The following GLI2 variants were observed in gnomAD, a reference collection of about 807,000 sequenced individuals.
GLI2 encodes GLI family zinc finger 2.
Under a neutral mutation model 78.9 loss-of-function variants are expected in GLI2, and 22 were observed. That is an observed-to-expected ratio of 0.28 (90% CI 0.20 to 0.40). The LOEUF (loss-of-function observed/expected upper bound fraction) is 0.40. Among genes scored for constraint, GLI2 ranks in the 10% least tolerant of loss-of-function variants. GLI2 has a pLI of 1.00. For missense variants in GLI2, 2,097 were observed against 2,213.2 expected (o/e 0.95, Z 1.05); for synonymous variants, 974 against 963.7 (o/e 1.01, Z -0.20).
chr2:120,782,724 G>T (rs991781042), intron 1 of GLI2, among the ~76,000 whole-genome samples: 1 of 152,172 alleles, frequency 6.6e-6, no homozygotes, highest in African/African-American at 2.4e-5. Flanking sequence ...GAACTGTCCT[G>T]GTCACTACAG....
At chr2:120,772,080 G>A (rs1683537020) in intron 1 of GLI2, among the ~76,000 whole-genome samples, 1 of 152,186 alleles carries the variant, frequency 6.6e-6, no homozygotes, top group South Asian at 2.1e-4. Context: ...GGGTGATGGA[G>A]GCTGGGTTTT....
chr2:120,847,199 T>TGCTC (rs1687158711), intron 2 of GLI2, among the ~76,000 whole-genome samples: 1 of 152,162 alleles, frequency 6.6e-6, no homozygotes, highest in African/African-American at 2.4e-5. Context: ...CAGTGCTGAC[T>TGCTC]GCTCCATCAG....
intron 1 of GLI2, among the ~76,000 whole-genome samples, chr2:120,783,934 A>G (rs1404167715): frequency 6.6e-6 from 1 of 152,182 alleles, no homozygotes; most frequent in East Asian, 1.9e-4. Flanking sequence ...TTGTTTAGCC[A>G]ATGAGATCTG....
At chr2:120,947,224 G>A (rs1451581188) in intron 3 of GLI2, among the ~76,000 whole-genome samples, 1 of 152,190 alleles carries the variant, frequency 6.6e-6, no homozygotes, top group Non-Finnish European at 1.5e-5. Flanking sequence ...CAGGGCACAG[G>A]CAGGGGCTCC....
intron 2 of GLI2, among the ~76,000 whole-genome samples, chr2:120,860,943 G>A (rs769726101): frequency 4.6e-5 from 7 of 152,200 alleles, no homozygotes; most frequent in South Asian, 2.1e-4. Context: ...TTAGAGATCC[G>A]TTATGGCCAG....
intron 3 of GLI2, among the ~76,000 whole-genome samples, chr2:120,943,011 G>A (rs971055573): frequency 2.0e-5 from 3 of 152,174 alleles, no homozygotes; most frequent in African/African-American, 4.8e-5. Flanking sequence ...CAGCACACAC[G>A]TATTTGAGCA....
chr2:120,828,954 G>C (rs999408064), intron 2 of GLI2, among the ~76,000 whole-genome samples: 1 of 150,766 alleles, frequency 6.6e-6, no homozygotes, highest in Middle Eastern at 3.2e-3. Flanking sequence ...CTAGGCCCAG[G>C]GCTCTTGGAA....
rs117147035 is a variant in GLI2 at position 120,961,857 on chromosome 2, A to G, written c.643+6427A>G. Among the ~76,000 whole-genome samples, 3 of 152,264 alleles carry G rather than the reference A, an allele frequency of 2.0e-5. No homozygotes were observed. The East Asian group carries it at 5.8e-4, about 29-fold the overall frequency. On this transcript the variant is annotated intron_variant, in intron 5 of 13. Transcript: ENST00000361492. ...ATTTTTTCCTGAAATGGAAAACCTAATCCCTGTCTGAGGAGGATGTTCCTG... is the reference window on the plus strand; with the variant it reads ...ATTTTTTCCTGAAATGGAAAACCTAGTCCCTGTCTGAGGAGGATGTTCCTG...
chr2:120,923,156 A>G (rs1174202150), intron 2 of GLI2, among the ~76,000 whole-genome samples: 2 of 151,676 alleles, frequency 1.3e-5, no homozygotes, highest in Non-Finnish European at 1.5e-5. Context: ...ACACATACAC[A>G]GCAACATACA....
At chr2:120,807,568 A>G (rs1685020839) in intron 2 of GLI2, among the ~76,000 whole-genome samples, 3 of 152,176 alleles carry the variant, frequency 2.0e-5, no homozygotes, top group Non-Finnish European at 4.4e-5. Context: ...GTGATGTGCA[A>G]GGAGGAACCA....
rs182222180 is a variant in GLI2 at position 120,774,963 on chromosome 2, T to C, written c.-30-22328T>C. ...CTCCCATGAGAGCCCACCAGACTCA[T>C]GCCAGCCTTAAAATCTCTTTTCCCA... On this transcript the variant is annotated intron_variant, in intron 1 of 13. Transcript: ENST00000361492. Among the ~76,000 whole-genome samples the C allele has an allele frequency of 1.7e-3, 259 of 152,314 alleles. 4 individuals are homozygous for C. The South Asian group carries it at 0.023, about 13-fold the overall frequency.
intron 2 of GLI2, 134 bp from the exon 3 acceptor site, chr2:120,927,227 G>A (rs1033945200): frequency 5.1e-5 from 39 of 761,534 alleles, no homozygotes; most frequent in Non-Finnish European, 7.6e-5. Context: ...GTGTGTGATC[G>A]CGCGGGCACT....
chr2:120,743,795 T>A (rs889933416), intron 1 of GLI2, among the ~76,000 whole-genome samples: 2 of 152,196 alleles, frequency 1.3e-5, no homozygotes, highest in Non-Finnish European at 2.9e-5. Flanking sequence ...TCCTCCCAGC[T>A]TCAAAACCCT....
intron 2 of GLI2, 32 bp from the exon 3 acceptor site, chr2:120,927,329 T>A (rs761370220): frequency 1.3e-5 from 19 of 1,495,054 alleles, no homozygotes; most frequent in South Asian, 2.3e-5. Context: ...GGGAAAGTTT[T>A]TGAAGTCTTG....
chr2:120,990,542 G>A lies in GLI2; in HGVS notation c.4577G>A (p.Arg1526His), dbSNP rs138987487. 8.0e-4 allele frequency: 1,298 copies of A among 1,613,862 alleles called. 1 individual carries two copies. Among genetic ancestry groups the A allele is most frequent in the Non-Finnish European group, 1.0e-3 (1,199 of 1,179,976 alleles). The stretch of plus-strand genomic sequence containing the variant: ...CACAGCCTCTCCCAGAACTCCTCCC[G>A]CCTCACCACCCCCCGAAACTCCTTG... ...LLHSLSQNSS[R>H]LTTPRNSLTL... Residue 1526 changes from arginine (R) to histidine (H), a missense_variant, in exon 14 of 14, where the codon CGC becomes CAC. Physicochemically the swap from Arg to His is conservative, Grantham distance 29 (BLOSUM62 0). This residue lies in a region of GLI2 where 1,290 missense variants were observed against 1,261.7 expected (regional missense o/e 1.02). Transcript: ENST00000361492.
intron 1 of GLI2, among the ~76,000 whole-genome samples, chr2:120,753,048 TA>T (rs1376196363): frequency 6.6e-6 from 1 of 151,798 alleles, no homozygotes; most frequent in Non-Finnish European, 1.5e-5. Context: ...CTTCTGGGTG[TA>T]AAACTTCGGG....
At chr2:120,959,475 T>G (rs920708395) in intron 5 of GLI2, among the ~76,000 whole-genome samples, 1 of 152,238 alleles carries the variant, frequency 6.6e-6, no homozygotes, top group Non-Finnish European at 1.5e-5. Flanking sequence ...CCTATTTTTA[T>G]TGCTACTTAA....
intron 3 of GLI2, among the ~76,000 whole-genome samples, chr2:120,928,594 C>T (rs1679805186): frequency 6.6e-6 from 1 of 152,220 alleles, no homozygotes; most frequent in Admixed American, 6.5e-5. Flanking sequence ...GAAGGCACAT[C>T]CTCCTTCCTC....
In GLI2 at chr2:120,992,258, T is replaced by C. The variant is rs1573748436; in HGVS notation, c.*1583T>C. The stretch of plus-strand genomic sequence containing the variant: ...ACTGCAAATGAAAGCCAGGGAACAT[T>C]GCTAAGGGTCTGTGGCTCTGTGGTG... On this transcript the variant is annotated 3_prime_UTR_variant, in exon 14 of 14. Transcript: ENST00000361492. 1 of 152,506 alleles carries C rather than the reference T, an allele frequency of 6.6e-6. No homozygotes were observed. Among genetic ancestry groups the C allele is most frequent in the Non-Finnish European group, 1.5e-5 (1 of 68,080 alleles). 9.4% of individuals were successfully genotyped at this position (152,506 alleles called of 1,614,324 possible). A position where few individuals can be genotyped will look rare whatever the true frequency, so the allele number is the denominator to read the frequency against.
Sources: allele counts gnomAD v4.1 joint callset (sites outside exome capture counted in the v4.1 genomes callset), GRCh38; gene constraint gnomAD v4.1.1; regional missense constraint gnomAD v4.1.1; transcripts MANE v1.5; gene names NCBI Gene and HGNC (gene_info 2026-07-23, HGNC 2026-07-21).